The following ADCY2 variants were observed in gnomAD, a reference collection of about 807,000 sequenced individuals.
ADCY2 encodes the protein adenylate cyclase 2, also known as adenylate cyclase type 2.
ADCY2 carries 31 observed loss-of-function variants against 125.2 expected under a neutral mutation model. The ratio of observed to expected loss-of-function variants is 0.25; its 90% CI spans 0.19 to 0.33. The LOEUF (loss-of-function observed/expected upper bound fraction) is 0.33. Among genes scored for constraint, ADCY2 ranks in the 10% least tolerant of loss-of-function variants. The probability of loss-of-function intolerance (pLI) is 1.00; values close to 1 mark genes in which losing one functional copy is unlikely to be tolerated. For missense variants in ADCY2, 904 were observed against 1,418.2 expected (o/e 0.64, Z 5.82); for synonymous variants, 512 against 548.4 (o/e 0.93, Z 0.93).
intron 3 of ADCY2, among the ~76,000 whole-genome samples, chr5:7,560,533 T>C (rs1485158190): frequency 6.6e-6 from 1 of 152,044 alleles, no homozygotes; most frequent in Non-Finnish European, 1.5e-5. Flanking sequence ...TTAATAGTGT[T>C]GACCCTTTAT....
intron 3 of ADCY2, among the ~76,000 whole-genome samples, chr5:7,608,106 A>C (rs1737445232): frequency 6.6e-6 from 1 of 152,254 alleles, no homozygotes; most frequent in Non-Finnish European, 1.5e-5. Flanking sequence ...TTACAGGCAC[A>C]AAAGAATGCT....
intron 3 of ADCY2, among the ~76,000 whole-genome samples, chr5:7,612,933 G>A (rs538484625): frequency 8.0e-4 from 121 of 152,168 alleles, no homozygotes; most frequent in Non-Finnish European, 1.4e-3. Flanking sequence ...GGAGAATGGC[G>A]TGAACCCGGG....
At chr5:7,819,178 A>G (rs778705621) in intron 23 of ADCY2, among the ~76,000 whole-genome samples, 7 of 152,140 alleles carry the variant, frequency 4.6e-5, no homozygotes, top group Non-Finnish European at 1.0e-4. Flanking sequence ...GTGCCCACTC[A>G]CATTGAGGGT....
At chr5:7,803,763 G>A (rs1026150536) in intron 21 of ADCY2, among the ~76,000 whole-genome samples, 33 of 152,050 alleles carry the variant, frequency 2.2e-4, no homozygotes, top group African/African-American at 7.7e-4. Context: ...AGCTGCACAT[G>A]GTAGTGTATG....
chr5:7,757,349 C>T, intron 15 of ADCY2, 100 bp from the exon 16 acceptor site: 2 of 1,445,558 alleles, frequency 1.4e-6, no homozygotes, highest in East Asian at 2.3e-5. Flanking sequence ...AGTCTATGAA[C>T]AATGTTGGTG....
intron 2 of ADCY2, among the ~76,000 whole-genome samples, chr5:7,478,591 T>G (rs995986037): frequency 6.6e-6 from 1 of 152,200 alleles, no homozygotes; most frequent in Non-Finnish European, 1.5e-5. Context: ...AATATTGTTT[T>G]GTCAGCTAAT....
chr5:7,809,002 GTTACCTTACGCA>G, intron 22 of ADCY2, among the ~76,000 whole-genome samples: 1 of 152,144 alleles, frequency 6.6e-6, no homozygotes, highest in Admixed American at 6.5e-5. Flanking sequence ...CTGCACTTCT[GTTACCTTACGCA>G]TGAAATGGTG....
At chr5:7,733,332 G>C (rs1360323986) in intron 14 of ADCY2, among the ~76,000 whole-genome samples, 1 of 152,168 alleles carries the variant, frequency 6.6e-6, no homozygotes, top group Non-Finnish European at 1.5e-5. Flanking sequence ...CAAATCCTGG[G>C]ATAGGTTGTA....
rs1170625766 is a variant in ADCY2, at chr5:7,589,498, G to GA, written c.571-36666dup. On this transcript the variant is annotated intron_variant, in intron 3 of 24. Transcript: ENST00000338316. ...AGAAAGAAAGAAAGAAAGAAAGAAA[G>GA]AAAGAAAGAAAGAAAAGAAAAGAAA... Among the ~76,000 whole-genome samples, 49 of 51,720 alleles carry GA rather than the reference G, an allele frequency of 9.5e-4. 1 individual carries two copies. Among genetic ancestry groups the GA allele is most frequent in the African/African-American group, 1.9e-3 (42 of 22,622 alleles). The allele number at this position is 51,720 out of a possible 152,430, so 33.9% of individuals were successfully genotyped here. A position where few individuals can be genotyped will look rare whatever the true frequency, so the allele number is the denominator to read the frequency against.
At chr5:7,818,863 A>G (rs1015645117) in intron 23 of ADCY2, among the ~76,000 whole-genome samples, 1 of 152,214 alleles carries the variant, frequency 6.6e-6, no homozygotes, top group African/African-American at 2.4e-5. Context: ...AAAATGTATT[A>G]CATGGGTGTA....
chr5:7,792,898 G>A (rs1052978699), intron 20 of ADCY2, among the ~76,000 whole-genome samples: 8 of 152,312 alleles, frequency 5.3e-5, no homozygotes, highest in Non-Finnish European at 8.8e-5. Context: ...TGGTGCCTTC[G>A]CACTGCAGTC....
At chr5:7,620,990 C>G (rs1265208369) in intron 3 of ADCY2, among the ~76,000 whole-genome samples, 1 of 152,016 alleles carries the variant, frequency 6.6e-6, no homozygotes, top group African/African-American at 2.4e-5. Flanking sequence ...CTGGTGTCTG[C>G]TTGGGCCATT....
intron 14 of ADCY2, among the ~76,000 whole-genome samples, chr5:7,735,646 A>C (rs1396432334): frequency 2.0e-5 from 3 of 152,250 alleles, no homozygotes; most frequent in Non-Finnish European, 4.4e-5. Context: ...TTCAGATATT[A>C]AAGCAACCTT....
chr5:7,396,247 G>C lies in ADCY2; in HGVS notation c.-50G>C. On this transcript the variant is annotated 5_prime_UTR_variant, in exon 1 of 25. Coordinates refer to ENST00000338316, the MANE Select transcript of ADCY2 (RefSeq NM_020546.3). This position sits in a 1 kb window ranked among gnomAD's most constrained non-coding sequence, Gnocchi z 5.7. Reference sequence around the variant, plus strand: ...TGGGACGCGGGCGGCCGCGGCGAGCGGCGCTGCCCGGGCCGGGCGCGCACG... The same window carrying C: ...TGGGACGCGGGCGGCCGCGGCGAGCCGCGCTGCCCGGGCCGGGCGCGCACG... 1 of 974,126 alleles carries C rather than the reference G, an allele frequency of 1.0e-6. No individual in the cohort carries two copies. Among genetic ancestry groups the C allele is most frequent in the Non-Finnish European group, 1.2e-6 (1 of 817,426 alleles). The allele number at this position is 974,126 out of a possible 1,614,324, so 60.3% of individuals were successfully genotyped here. A position where few individuals can be genotyped will look rare whatever the true frequency, so the allele number is the denominator to read the frequency against.
chr5:7,718,827 A>G (rs1463010267), intron 12 of ADCY2, among the ~76,000 whole-genome samples: 1 of 152,100 alleles, frequency 6.6e-6, no homozygotes, highest in African/African-American at 2.4e-5. Flanking sequence ...CCTGCAATCT[A>G]ACAGCAGCTA....
At chr5:7,740,189 G>A (rs1357325358) in intron 14 of ADCY2, among the ~76,000 whole-genome samples, 2 of 151,792 alleles carry the variant, frequency 1.3e-5, no homozygotes, top group South Asian at 4.1e-4. Flanking sequence ...ACAGCTTATA[G>A]AATAAAGGAA....
At chr5:7,730,560 G>T (rs1004703211) in intron 14 of ADCY2, among the ~76,000 whole-genome samples, 1 of 152,082 alleles carries the variant, frequency 6.6e-6, no homozygotes, top group Non-Finnish European at 1.5e-5. Flanking sequence ...GGTTTTTGGA[G>T]GGGGAGTCTA....
intron 2 of ADCY2, among the ~76,000 whole-genome samples, chr5:7,497,729 T>C (rs1358249129): frequency 6.6e-6 from 1 of 151,874 alleles, no homozygotes; most frequent in African/African-American, 2.4e-5. Context: ...TAGGAAGAAA[T>C]TGCACCGAAA....
intron 18 of ADCY2, among the ~76,000 whole-genome samples, chr5:7,781,187 GAA>G (rs1743912802): frequency 6.6e-6 from 1 of 152,120 alleles, no homozygotes; most frequent in Admixed American, 6.5e-5. Flanking sequence ...GAGAGAGAGA[GAA>G]AGAGAGAGGG....
Sources: allele counts gnomAD v4.1 joint callset (sites outside exome capture counted in the v4.1 genomes callset), GRCh38; gene constraint gnomAD v4.1.1; non-coding constraint Gnocchi (gnomAD v3.1); transcripts MANE v1.5; gene names NCBI Gene and HGNC (gene_info 2026-07-23, HGNC 2026-07-21).